PCSK5: variants seen among roughly 807,000 people sequenced by gnomAD.
The protein encoded by PCSK5 is prohormone convertase 5.
Under a neutral mutation model 233.2 loss-of-function variants are expected in PCSK5, and 129 were observed. The ratio of observed to expected loss-of-function variants is 0.55; its 90% CI spans 0.48 to 0.64. The LOEUF is 0.64. Ranked by LOEUF, PCSK5 falls within the 30% of genes least tolerant of loss-of-function variation. The pLI, the probability that PCSK5 is intolerant of heterozygous loss-of-function variation, is 0.00. For missense variants in PCSK5, 2,076 were observed against 2,430.1 expected (o/e 0.85, Z 3.06); for synonymous variants, 825 against 879.2 (o/e 0.94, Z 1.09).
chr9:76,308,153 C>T (rs1018813054), intron 28 of PCSK5, among the ~76,000 whole-genome samples: 4 of 152,152 alleles, frequency 2.6e-5, no homozygotes, highest in Non-Finnish European at 4.4e-5. Context: ...GCCAAGATCA[C>T]ACCACCACAC....
intron 24 of PCSK5, among the ~76,000 whole-genome samples, chr9:76,259,721 T>C (rs887650427): frequency 6.6e-6 from 1 of 152,080 alleles, no homozygotes; most frequent in Non-Finnish European, 1.5e-5. Flanking sequence ...TGAACATCCA[T>C]AATGTTCAAC....
intron 13 of PCSK5, among the ~76,000 whole-genome samples, chr9:76,173,956 A>G (rs780949762): frequency 1.3e-5 from 2 of 152,114 alleles, no homozygotes; most frequent in Admixed American, 1.3e-4. Context: ...CCTGGGTGAC[A>G]GAACGAAATC....
In PCSK5 at chr9:76,023,724, T is replaced by A; in HGVS notation, c.412-14T>A. ...ACTATTTAGTAATCTTGCAGCATGC[T>A]CTTCTTCTTTCAGCACTGCAGTGAC... On this transcript the variant is annotated splice_polypyrimidine_tract_variant and intron_variant, in intron 3 of 37. Transcript: ENST00000674117. 6.3e-7 allele frequency: 1 copy of A among 1,592,266 alleles called. No individual in the cohort carries two copies. Among genetic ancestry groups the A allele is most frequent in the Non-Finnish European group, 8.5e-7 (1 of 1,171,486 alleles).
chr9:76,011,947 A>G (rs904531115), intron 3 of PCSK5, among the ~76,000 whole-genome samples: 1 of 152,178 alleles, frequency 6.6e-6, no homozygotes, highest in African/African-American at 2.4e-5. Flanking sequence ...TATTTCCTTC[A>G]TAACTATTAC....
At chr9:76,275,133 T>C (rs1372079799) in intron 24 of PCSK5, among the ~76,000 whole-genome samples, 1 of 152,186 alleles carries the variant, frequency 6.6e-6, no homozygotes, top group Admixed American at 6.6e-5. Flanking sequence ...AAATATTGTT[T>C]TTATACCTAT....
At chr9:75,899,608 A>C (rs1335575615) in intron 1 of PCSK5, among the ~76,000 whole-genome samples, 1 of 152,142 alleles carries the variant, frequency 6.6e-6, no homozygotes, top group African/African-American at 2.4e-5. Flanking sequence ...CCTAAATTCC[A>C]CATATAAGCG....
chr9:76,297,578 G>A (rs1051096439), intron 27 of PCSK5, among the ~76,000 whole-genome samples: 16 of 152,122 alleles, frequency 1.1e-4, no homozygotes, highest in Non-Finnish European at 1.8e-4. Context: ...TTCCTTGCAA[G>A]GTAATTACAA....
At chr9:76,314,831 G>A (rs1025831112) in intron 30 of PCSK5, among the ~76,000 whole-genome samples, 1 of 151,948 alleles carries the variant, frequency 6.6e-6, no homozygotes, top group East Asian at 1.9e-4. Flanking sequence ...TGTAGAGATG[G>A]GGTTTCACCG....
At chr9:76,327,927 G>T in intron 32 of PCSK5, 82 bp from the exon 33 acceptor site, 1 of 837,916 alleles carries the variant, frequency 1.2e-6, no homozygotes, top group South Asian at 1.4e-5. Context: ...GGAATGTGAA[G>T]ACCCTTTCCC....
chr9:76,190,529 G>C (rs185575678), intron 20 of PCSK5, among the ~76,000 whole-genome samples: 195 of 152,116 alleles, frequency 1.3e-3, no homozygotes, highest in Non-Finnish European at 2.3e-3. Flanking sequence ...ATTATCCTAT[G>C]TTTTTACAAA....
chr9:75,953,869 T>C (rs1824977874), intron 2 of PCSK5, among the ~76,000 whole-genome samples: 1 of 151,980 alleles, frequency 6.6e-6, no homozygotes, highest in African/African-American at 2.4e-5. Context: ...AAGAGTTGAG[T>C]AGAGATGGCA....
At position 76,301,021 on chromosome 9, in the gene PCSK5, C is replaced by T. The variant is rs562072643; in HGVS notation, c.3524-1116C>T. Among the ~76,000 whole-genome samples the T allele has an allele frequency of 4.5e-4, 69 of 152,148 alleles. 1 individual carries two copies. Among genetic ancestry groups the T allele is most frequent in the African/African-American group, 1.4e-3 (59 of 41,512 alleles). On this transcript the variant is annotated intron_variant, in intron 27 of 37. Transcript: ENST00000674117. ...TGCGCAGTGGCTCACACATGTAATC[C>T]CAGGACTTTGGGAAGCTGAGGTGGG...
At chr9:76,214,245 A>G (rs111318228) in intron 20 of PCSK5, among the ~76,000 whole-genome samples, 3 of 152,096 alleles carry the variant, frequency 2.0e-5, no homozygotes, top group East Asian at 1.9e-4. Context: ...TCCAGATTAC[A>G]TGATTGAGGA....
intron 5 of PCSK5, among the ~76,000 whole-genome samples, chr9:76,035,195 G>C (rs1828810748): frequency 6.6e-6 from 1 of 152,116 alleles, no homozygotes; most frequent in Admixed American, 6.5e-5. Context: ...TTGTTCTTTA[G>C]CCTGGTATCT....
intron 20 of PCSK5, among the ~76,000 whole-genome samples, chr9:76,203,550 C>A (rs1025371216): frequency 6.6e-6 from 1 of 151,636 alleles, no homozygotes; most frequent in African/African-American, 2.4e-5. Flanking sequence ...GGCCCACAGC[C>A]GAGGAACTTG....
intron 20 of PCSK5, among the ~76,000 whole-genome samples, chr9:76,203,968 T>C (rs1156860513): frequency 6.6e-6 from 1 of 152,202 alleles, no homozygotes; most frequent in African/African-American, 2.4e-5. Context: ...CCCATTTGGA[T>C]GATGGTAATC....
At chr9:75,980,379 G>A (rs770322769) in intron 2 of PCSK5, among the ~76,000 whole-genome samples, 50 of 152,158 alleles carry the variant, frequency 3.3e-4, no homozygotes, top group Non-Finnish European at 6.2e-4. Context: ...TGTATATGCA[G>A]TGTTTATTTC....
At chr9:76,057,399 G>A (rs73650429) in intron 5 of PCSK5, among the ~76,000 whole-genome samples, 2 of 152,088 alleles carry the variant, frequency 1.3e-5, no homozygotes, top group Non-Finnish European at 2.9e-5. Context: ...TTTTCTCGGG[G>A]TAGTGATCAT....
intron 8 of PCSK5, among the ~76,000 whole-genome samples, chr9:76,103,795 G>A (rs1831864632): frequency 6.6e-6 from 1 of 152,150 alleles, no homozygotes; most frequent in African/African-American, 2.4e-5. Flanking sequence ...GGGCACAAAT[G>A]ATATTTTCTT....
Sources: allele counts gnomAD v4.1 joint callset (sites outside exome capture counted in the v4.1 genomes callset), GRCh38; gene constraint gnomAD v4.1.1; transcripts MANE v1.5; gene names NCBI Gene and HGNC (gene_info 2026-07-23, HGNC 2026-07-21).